ACOX2: variants seen among roughly 807,000 people sequenced by gnomAD.
ACOX2 encodes peroxisomal acyl-coenzyme A oxidase 2.
In ACOX2, 59 loss-of-function variants were observed where a neutral mutation model predicts 77.5. The observed-to-expected ratio is 0.76, with a 90% CI of 0.62 to 0.95. The LOEUF (loss-of-function observed/expected upper bound fraction) is 0.95. Among genes scored for constraint, ACOX2 ranks in the 40% least tolerant of loss-of-function variants. The pLI is 0.00. For missense variants in ACOX2, 837 were observed against 880.4 expected (o/e 0.95, Z 0.62); for synonymous variants, 317 against 340.1 (o/e 0.93, Z 0.75).
Position 58,505,332 on chromosome 3 carries a change from A to G in ACOX2, c.1984-46T>C, listed in dbSNP as rs756903313. On this transcript the variant is annotated intron_variant, in intron 14 of 14. Transcript: ENST00000302819. This position sits in a 1 kb window ranked among gnomAD's most constrained non-coding sequence, Gnocchi z 4.4. Reference sequence around the variant, plus strand: ...ATTATTAACACAGTACATTTCTGCCAGGATTAATGACTTTCACTTTCAAAT... The same window carrying G: ...ATTATTAACACAGTACATTTCTGCCGGGATTAATGACTTTCACTTTCAAAT... 1 of 1,471,234 alleles carries G rather than the reference A, an allele frequency of 6.8e-7. No individual in the cohort carries two copies. The highest frequency in any genetic ancestry group is 9.3e-7 in the Non-Finnish European group (1 of 1,076,950). 91.1% of individuals were successfully genotyped at this position (1,471,234 alleles called of 1,614,324 possible). A position where few individuals can be genotyped will look rare whatever the true frequency, so the allele number is the denominator to read the frequency against.
At position 58,523,692 on chromosome 3, in the gene ACOX2, G is replaced by A. The variant is rs761146174; in HGVS notation, c.1526+734C>T. ...TCAAACTCCTGAGCTCAAGCAATCC[G>A]CCCACCTCGACCTCCCAAAGTGCTG... On this transcript the variant is annotated intron_variant, in intron 11 of 14. Transcript: ENST00000302819. The surrounding 1 kb of genome is among the most constrained non-coding windows in gnomAD (Gnocchi z 5.3). 6.6e-6 allele frequency among the ~76,000 whole-genome samples: 1 copy of A among 151,852 alleles called. No homozygotes were observed. Among genetic ancestry groups the A allele is most frequent in the Admixed American group, 6.6e-5 (1 of 15,234 alleles).
At chr3:58,507,856 A>G (rs992810444) in intron 14 of ACOX2, among the ~76,000 whole-genome samples, 1 of 152,214 alleles carries the variant, frequency 6.6e-6, no homozygotes, top group African/African-American at 2.4e-5. Flanking sequence ...GCCATGTGGT[A>G]TGACAGGCTG....
At chr3:58,532,529 A>T (rs2063448503) in intron 5 of ACOX2, among the ~76,000 whole-genome samples, 1 of 151,850 alleles carries the variant, frequency 6.6e-6, no homozygotes, top group South Asian at 2.1e-4. Flanking sequence ...GGGACTACAG[A>T]TGCCCGCCAC....
chr3:58,529,655 C>T (rs2063422345), intron 8 of ACOX2, among the ~76,000 whole-genome samples: 1 of 152,212 alleles, frequency 6.6e-6, no homozygotes, highest in Non-Finnish European at 1.5e-5. Flanking sequence ...TTCCCAGTGG[C>T]CCTGTCCTCC....
Position 58,529,156 on chromosome 3 carries a change from A to G in ACOX2, c.993-200T>C, listed in dbSNP as rs557701677. 182 of 495,542 alleles carry G rather than the reference A, an allele frequency of 3.7e-4. 1 individual carries two copies. Among genetic ancestry groups the G allele is most frequent in the African/African-American group, 3.4e-3 (173 of 51,404 alleles). The allele number at this position is 495,542 out of a possible 1,614,324, so 30.7% of individuals were successfully genotyped here. On this transcript the variant is annotated intron_variant, in intron 8 of 14. Coordinates refer to ENST00000302819, the MANE Select transcript of ACOX2 (RefSeq NM_003500.4). Reference sequence around the variant, plus strand: ...CACATTTCACTGCAGGAATACTGACACATTTGTTGGTGGGTACTGCCCCTT... The same window carrying G: ...CACATTTCACTGCAGGAATACTGACGCATTTGTTGGTGGGTACTGCCCCTT...
At chr3:58,520,844 C>T (rs1560214566) in intron 12 of ACOX2, among the ~76,000 whole-genome samples, 1 of 152,172 alleles carries the variant, frequency 6.6e-6, no homozygotes, top group Non-Finnish European at 1.5e-5. Context: ...TGTTGCTCAC[C>T]TCAGTCACTC....
At chr3:58,511,306 CA>C in intron 13 of ACOX2, 1 of 349,534 alleles carries the variant, frequency 2.9e-6, no homozygotes. Flanking sequence ...TGGTTGCTGT[CA>C]AAATGGGCAA....
rs2063440941 is a variant in ACOX2 at position 58,531,693 on chromosome 3, C to T, written c.703G>A (p.Gly235Arg). ...CCTTGAGGGAGCATTATGGGCTTAC[C>T]TGGCAGTGGGGTGTGGTCCTGAAGA... ...RSLQDHTPLP[G>R]IIIGDIGPKM... Residue 235 changes from glycine to arginine, a missense_variant and splice_region_variant, in exon 6 of 15, where the codon GGA becomes AGA. Coordinates refer to ENST00000302819, the MANE Select transcript of ACOX2 (RefSeq NM_003500.4). The surrounding 1 kb of genome is among the most constrained non-coding windows in gnomAD (Gnocchi z 5.8). 10 of 1,613,806 alleles carry T rather than the reference C, an allele frequency of 6.2e-6. No homozygotes were observed. The highest frequency in any genetic ancestry group is 8.5e-6 in the Non-Finnish European group (10 of 1,179,858).
chr3:58,529,963 C>T (rs934225073), intron 8 of ACOX2, among the ~76,000 whole-genome samples: 2 of 152,228 alleles, frequency 1.3e-5, no homozygotes, highest in Non-Finnish European at 2.9e-5. Flanking sequence ...CCAGACTAGA[C>T]ATACCAGTGG....
At position 58,524,392 on chromosome 3, in the gene ACOX2, A is replaced by C. The variant is rs1162503071; in HGVS notation, c.1526+34T>G. ...CTAGTGTGGCATGGAGCCTGTGCCC[A>C]GGTGGGATGGCTGATTTCTCAGCAC... On this transcript the variant is annotated intron_variant, in intron 11 of 14. Transcript: ENST00000302819. This position sits in a 1 kb window ranked among gnomAD's most constrained non-coding sequence, Gnocchi z 5.5. 6.3e-7 allele frequency: 1 copy of C among 1,599,598 alleles called. No individual in the cohort carries two copies. The highest frequency in any genetic ancestry group is 8.6e-7 in the Non-Finnish European group (1 of 1,168,986).
chr3:58,525,236 C>T lies in ACOX2; in HGVS notation c.1347-631G>A, dbSNP rs1438445784. On this transcript the variant is annotated intron_variant, in intron 10 of 14. Transcript: ENST00000302819. This position sits in a 1 kb window ranked among gnomAD's most constrained non-coding sequence, Gnocchi z 5.0. ...AGAGTGCTTGGCACAGTGCAGAGTA[C>T]ATAATATGTGCTATTGTACTCCTTT... Among the ~76,000 whole-genome samples the T allele has an allele frequency of 2.0e-5, 3 of 152,170 alleles. No homozygotes were observed. The highest frequency in any genetic ancestry group is 2.9e-5 in the Non-Finnish European group (2 of 68,030).
At chr3:58,517,515 G>A (rs1053396567) in intron 12 of ACOX2, 92 bp from the exon 13 acceptor site, 5 of 1,257,838 alleles carry the variant, frequency 4.0e-6, no homozygotes, top group Middle Eastern at 3.8e-4. Context: ...GAATAAACTT[G>A]AGGCATGATG....
At position 58,524,406 on chromosome 3, in the gene ACOX2, A is replaced by G. The variant is rs1247536643; in HGVS notation, c.1526+20T>C. ...AGCCTGTGCCCAGGTGGGATGGCTGATTTCTCAGCACTGGCTTACCTTACT... is the reference window on the plus strand; with the variant it reads ...AGCCTGTGCCCAGGTGGGATGGCTGGTTTCTCAGCACTGGCTTACCTTACT... On this transcript the variant is annotated intron_variant, in intron 11 of 14. Transcript: ENST00000302819. The surrounding 1 kb of genome is among the most constrained non-coding windows in gnomAD (Gnocchi z 5.5). The G allele has an allele frequency of 1.2e-6, 2 of 1,602,912 alleles. No individual in the cohort carries two copies.
In ACOX2 at chr3:58,533,260, A is replaced by G. The variant is rs1441860220; in HGVS notation, c.583+185T>C. Reference sequence around the variant, plus strand: ...CAGCCACTCACTAATGAAATGTTTAATATCCCACCTATTTTACAGAGTAAG... The same window carrying G: ...CAGCCACTCACTAATGAAATGTTTAGTATCCCACCTATTTTACAGAGTAAG... On this transcript the variant is annotated intron_variant, in intron 5 of 14. Transcript: ENST00000302819. The surrounding 1 kb of genome is among the most constrained non-coding windows in gnomAD (Gnocchi z 5.6). Among the ~76,000 whole-genome samples, 1 of 152,074 alleles carries G rather than the reference A, an allele frequency of 6.6e-6. No individual in the cohort carries two copies. The highest frequency in any genetic ancestry group is 1.5e-5 in the Non-Finnish European group (1 of 68,004).
chr3:58,533,294 G>T lies in ACOX2; in HGVS notation c.583+151C>A. 1 of 668,664 alleles carries T rather than the reference G, an allele frequency of 1.5e-6. No individual in the cohort carries two copies. Among genetic ancestry groups the T allele is most frequent in the Non-Finnish European group, 2.6e-6 (1 of 378,546 alleles). 41.4% of individuals were successfully genotyped at this position (668,664 alleles called of 1,614,324 possible). ...CTATTTTACAGAGTAAGAACCTGAG[G>T]CTCAGGTTGGTGAACTGACTTGCCC... On this transcript the variant is annotated intron_variant, in intron 5 of 14. Transcript: ENST00000302819. The surrounding 1 kb of genome is among the most constrained non-coding windows in gnomAD (Gnocchi z 5.6).
chr3:58,506,872 A>G (rs978369353), intron 14 of ACOX2, among the ~76,000 whole-genome samples: 2 of 152,192 alleles, frequency 1.3e-5, no homozygotes, highest in African/African-American at 4.8e-5. Flanking sequence ...AATGTCTCTT[A>G]TTGCAGCTTC....
rs531529910 is a variant in ACOX2 at position 58,523,468 on chromosome 3, A to G, written c.1527-867T>C. ...TTAATAAATATTTTTGGAATAAATA[A>G]ATGAATGTTCCAAGTTGCTTGTGAT... On this transcript the variant is annotated intron_variant, in intron 11 of 14. Transcript: ENST00000302819. The surrounding 1 kb of genome is among the most constrained non-coding windows in gnomAD (Gnocchi z 5.3). 7.9e-5 allele frequency among the ~76,000 whole-genome samples: 12 copies of G among 152,364 alleles called. No individual in the cohort carries two copies. In the South Asian group the frequency reaches 2.5e-3, roughly 32 times the overall value.
At chr3:58,529,855 C>T (rs762331284) in intron 8 of ACOX2, among the ~76,000 whole-genome samples, 31 of 152,198 alleles carry the variant, frequency 2.0e-4, no homozygotes, top group Non-Finnish European at 1.2e-4. Flanking sequence ...GTGAAATGGC[C>T]GAGCTGAGTG....
In ACOX2 at chr3:58,505,175, C is replaced by T. The variant is rs755321485; in HGVS notation, c.*49G>A. The stretch of plus-strand genomic sequence containing the variant: ...TTAATGTTGCATATATGCCATAGTA[C>T]CATTATCACATGATGGTGCTGGTTG... On this transcript the variant is annotated 3_prime_UTR_variant, in exon 15 of 15. Coordinates refer to ENST00000302819, the MANE Select transcript of ACOX2 (RefSeq NM_003500.4). This position sits in a 1 kb window ranked among gnomAD's most constrained non-coding sequence, Gnocchi z 4.4. 4 of 1,475,334 alleles carry T rather than the reference C, an allele frequency of 2.7e-6. No individual in the cohort carries two copies. Among genetic ancestry groups the T allele is most frequent in the Non-Finnish European group, 3.8e-6 (4 of 1,063,544 alleles). The allele number at this position is 1,475,334 out of a possible 1,614,324, so 91.4% of individuals were successfully genotyped here.
Sources: allele counts gnomAD v4.1 joint callset (sites outside exome capture counted in the v4.1 genomes callset), GRCh38; gene constraint gnomAD v4.1.1; non-coding constraint Gnocchi (gnomAD v3.1); transcripts MANE v1.5; gene names NCBI Gene and HGNC (gene_info 2026-07-23, HGNC 2026-07-21).